Variants in OGFOD3 observed in about 807,000 individuals in gnomAD.
OGFOD3 encodes 2-oxoglutarate and iron dependent oxygenase domain containing 3, also known as 2-oxoglutarate and iron-dependent oxygenase domain-containing protein 3.
Under a neutral mutation model 39.8 loss-of-function variants are expected in OGFOD3, and 35 were observed. The ratio of observed to expected loss-of-function variants is 0.88; its 90% CI spans 0.67 to 1.17. The LOEUF (loss-of-function observed/expected upper bound fraction) is 1.17. Among genes scored for constraint, OGFOD3 ranks in the 50% most tolerant of loss-of-function variants. The pLI is 0.00. For synonymous variants in OGFOD3, 200 were observed against 192.0 expected (o/e 1.04, Z -0.34); for missense variants, 438 against 454.5 (o/e 0.96, Z 0.33).
intron 5 of OGFOD3, among the ~76,000 whole-genome samples, chr17:82,405,672 G>C (rs917114692): frequency 1.3e-5 from 2 of 152,082 alleles, no homozygotes; most frequent in African/African-American, 4.8e-5. Context: ...AAAATTAGCT[G>C]GGCATGGTGG....
rs201971168 is a variant in OGFOD3 at position 82,409,386 on chromosome 17, C to G, written c.405G>C (p.Leu135=). The G allele has an allele frequency of 1.9e-6, 3 of 1,614,112 alleles. No homozygotes were observed. The highest frequency in any genetic ancestry group is 2.5e-6 in the Non-Finnish European group (3 of 1,179,978). ...IRSVAEKGLS[L]GGSDGGASIL... Reference sequence around the variant, plus strand: ...AACTCACCCCTCCGTCAGATCCTCCCAGGGAGAGCCCCTTTTCAGCTACGC... The same window carrying G: ...AACTCACCCCTCCGTCAGATCCTCCGAGGGAGAGCCCCTTTTCAGCTACGC... Residue 135 remains leucine (L), a synonymous_variant, in exon 4 of 9, where the codon CTG becomes CTC. Coordinates refer to ENST00000313056, the MANE Select transcript of OGFOD3 (RefSeq NM_024648.3).
chr17:82,417,244 G>C (rs2143313837), intron 1 of OGFOD3: 1 of 152,296 alleles, frequency 6.6e-6, no homozygotes, highest in South Asian at 2.1e-4. Flanking sequence ...TGATGGTAGT[G>C]GATCCCCAGA....
chr17:82,398,886 CTA>C (rs1567867179), intron 7 of OGFOD3, among the ~76,000 whole-genome samples: 1 of 142,884 alleles, frequency 7.0e-6, no homozygotes, highest in Non-Finnish European at 1.5e-5. Context: ...TTTTTCTTTT[CTA>C]TTTTTTTTTT....
At chr17:82,417,618 C>A (rs75944609) in intron 1 of OGFOD3, among the ~76,000 whole-genome samples, 426 of 127,468 alleles carry the variant, frequency 3.3e-3, no homozygotes, top group Middle Eastern at 3.8e-3. Context: ...GCCTCTGTCT[C>A]AAAAAAAAAA....
At chr17:82,402,783 A>T (rs1431372123) in intron 7 of OGFOD3, among the ~76,000 whole-genome samples, 1 of 150,058 alleles carries the variant, frequency 6.7e-6, no homozygotes, top group Non-Finnish European at 1.5e-5. Context: ...TGGGATGGGT[A>T]ATGGCTCTCG....
intron 4 of OGFOD3, among the ~76,000 whole-genome samples, chr17:82,407,801 A>T (rs2052878589): frequency 6.6e-6 from 1 of 152,218 alleles, no homozygotes; most frequent in Non-Finnish European, 1.5e-5. Context: ...TCACTCACAG[A>T]TCTTTAACAA....
At chr17:82,418,173 T>A (rs2143323988) in intron 1 of OGFOD3, 2 of 385,542 alleles carry the variant, frequency 5.2e-6, no homozygotes, top group East Asian at 8.6e-5. Context: ...CTTCTCTTTC[T>A]CCTGCCCCTC....
In OGFOD3 at chr17:82,398,218, G is replaced by A; in HGVS notation, c.801C>T (p.Asn267=). ...TACCAGCTCTCGGCTCCACCGTCTT[G>A]TTGGCACCCTCCTCCATGAACATGA... is the stretch of plus-strand genomic sequence containing the variant. ...GRFMFMEEGA[N]KTVEPRAGRV... Residue 267 remains asparagine, a synonymous_variant, in exon 8 of 9, where the codon AAC becomes AAT. Coordinates refer to ENST00000313056, the MANE Select transcript of OGFOD3 (RefSeq NM_024648.3). 1 of 1,614,116 alleles carries A rather than the reference G, an allele frequency of 6.2e-7. No homozygotes were observed.
At chr17:82,418,167 T>C (rs567864744) in intron 1 of OGFOD3, among the ~76,000 whole-genome samples, 1 of 152,168 alleles carries the variant, frequency 6.6e-6, no homozygotes, top group East Asian at 1.9e-4. Context: ...AGCCCCCTTC[T>C]CTTTCTCCTG....
At position 82,411,457 on chromosome 17, in the gene OGFOD3, G is replaced by C; in HGVS notation, c.378C>G (p.Arg126=). The part of the protein sequence containing the change: ...VITREEAERI[R]SVAEKGLSLG... Reference sequence around the variant, plus strand: ...CGTGCTCAGGGACAGGCGGTTACCTGCGAATCCGCTCCGCTTCCTCCCTGG... The same window carrying C: ...CGTGCTCAGGGACAGGCGGTTACCTCCGAATCCGCTCCGCTTCCTCCCTGG... The change falls in exon 3 of 9, where the codon CGC becomes CGG. Residue 126 remains arginine, a splice_region_variant and synonymous_variant. Coordinates refer to ENST00000313056, the MANE Select transcript of OGFOD3 (RefSeq NM_024648.3). 6.2e-7 allele frequency: 1 copy of C among 1,614,002 alleles called. No homozygotes were observed. The highest frequency in any genetic ancestry group is 8.5e-7 in the Non-Finnish European group (1 of 1,179,876).
At chr17:82,416,282 AG>A (rs1294596573) in intron 1 of OGFOD3, among the ~76,000 whole-genome samples, 3 of 152,230 alleles carry the variant, frequency 2.0e-5, no homozygotes, top group African/African-American at 7.2e-5. Context: ...CTTTAATGTG[AG>A]ATGTTTCACA....
At chr17:82,403,546 C>T (rs1567869610) in intron 7 of OGFOD3, among the ~76,000 whole-genome samples, 1 of 152,116 alleles carries the variant, frequency 6.6e-6, no homozygotes, top group Admixed American at 6.5e-5. Context: ...GCAGGAGAAT[C>T]GCCTGAACCC....
chr17:82,398,176 G>C lies in OGFOD3; in HGVS notation c.823+20C>G, dbSNP rs1378575988. 2 of 1,613,602 alleles carry C rather than the reference G, an allele frequency of 1.2e-6. No homozygotes were observed. The highest frequency in any genetic ancestry group is 1.1e-5 in the South Asian group (1 of 91,068). ...CCTGAGCCAGGAGCCCCACGCCCAG[G>C]CCCCGCCCGCGCCTCCTACCAGCTC... On this transcript the variant is annotated intron_variant, in intron 8 of 8. Coordinates refer to ENST00000313056, the MANE Select transcript of OGFOD3 (RefSeq NM_024648.3).
In OGFOD3 at chr17:82,406,453, G is replaced by C. The variant is rs1352802285; in HGVS notation, c.453C>G (p.Ala151=). 6.2e-7 allele frequency: 1 copy of C among 1,614,166 alleles called. No individual in the cohort carries two copies. Among genetic ancestry groups the C allele is most frequent in the South Asian group, 1.1e-5 (1 of 91,086 alleles). The change falls in exon 5 of 9, where the codon GCC becomes GCG. Residue 151 remains alanine (A), a synonymous_variant. Transcript: ENST00000313056. This position sits in a 1 kb window ranked among gnomAD's most constrained non-coding sequence, Gnocchi z 5.2. ...TCACAAAGTGCTTCCCGACAGACAG[G>C]GCCCCTGAGTGCAAGTCCAGAATGG... ...GASILDLHSG[A]LSVGKHFVNL...
At position 82,404,176 on chromosome 17, in the gene OGFOD3, C is replaced by G. The variant is rs1381462298; in HGVS notation, c.546-86G>C. 4 of 1,430,950 alleles carry G rather than the reference C, an allele frequency of 2.8e-6. No homozygotes were observed. The African/African-American group carries it at 5.7e-5, about 20-fold the overall frequency. The allele number at this position is 1,430,950 out of a possible 1,614,324, so 88.6% of individuals were successfully genotyped here. A position where few individuals can be genotyped will look rare whatever the true frequency, so the allele number is the denominator to read the frequency against. ...CAACCCGTGGGTGGCAGGAAAGGAA[C>G]CAGCCTTCGTACGGCTCCGGGCCCG... On this transcript the variant is annotated intron_variant, in intron 6 of 8. Transcript: ENST00000313056. The surrounding 1 kb of genome is among the most constrained non-coding windows in gnomAD (Gnocchi z 4.5).
At chr17:82,413,543 T>A (rs959574473) in intron 2 of OGFOD3, among the ~76,000 whole-genome samples, 1 of 152,152 alleles carries the variant, frequency 6.6e-6, no homozygotes, top group African/African-American at 2.4e-5. Flanking sequence ...CTTTTAAATT[T>A]CCAAGTAATT....
chr17:82,405,512 A>T, intron 5 of OGFOD3, 132 bp from the exon 6 acceptor site: 1 of 773,306 alleles, frequency 1.3e-6, no homozygotes, highest in Admixed American at 2.1e-5. Context: ...TTCCACAATG[A>T]TAACTGCTAT....
intron 6 of OGFOD3, among the ~76,000 whole-genome samples, chr17:82,405,030 G>A (rs1277248116): frequency 2.6e-5 from 4 of 151,974 alleles, no homozygotes; most frequent in Admixed American, 6.6e-5. Context: ...ATGAGACACC[G>A]CACCCAGCCT....
Position 82,392,254 on chromosome 17 carries a change from A to G in OGFOD3, c.*144T>C. On this transcript the variant is annotated 3_prime_UTR_variant, in exon 9 of 9. Coordinates refer to ENST00000313056, the MANE Select transcript of OGFOD3 (RefSeq NM_024648.3). This position sits in a 1 kb window ranked among gnomAD's most constrained non-coding sequence, Gnocchi z 4.2. ...TTCCCTTCATTTACTCACAGATGAA[A>G]AGATTAACACGTCAGCAAATCAAAA... 1 of 905,318 alleles carries G rather than the reference A, an allele frequency of 1.1e-6. No individual in the cohort carries two copies. The highest frequency in any genetic ancestry group is 2.8e-5 in the Admixed American group (1 of 36,138). The allele number at this position is 905,318 out of a possible 1,614,324, so 56.1% of individuals were successfully genotyped here.
Sources: allele counts gnomAD v4.1 joint callset (sites outside exome capture counted in the v4.1 genomes callset), GRCh38; gene constraint gnomAD v4.1.1; non-coding constraint Gnocchi (gnomAD v3.1); transcripts MANE v1.5; gene names NCBI Gene and HGNC (gene_info 2026-07-23, HGNC 2026-07-21).